The following ANKRD27 variants were observed in gnomAD, a reference collection of about 807,000 sequenced individuals.
ANKRD27 encodes the protein ankyrin repeat domain 27, also known as ankyrin repeat domain-containing protein 27.
In ANKRD27, 112 loss-of-function variants were observed where a neutral mutation model predicts 129.7. That is an observed-to-expected ratio of 0.86 (90% CI 0.74 to 1.01). The LOEUF is 1.01. Among genes scored for constraint, ANKRD27 ranks in the 50% least tolerant of loss-of-function variants. ANKRD27 has a pLI of 0.00. For synonymous variants in ANKRD27, 516 were observed against 511.2 expected, an observed-to-expected ratio of 1.01 and a Z score of -0.13; for missense variants, 1,258 against 1,300.5, an observed-to-expected ratio of 0.97 and a Z score of 0.50.
chr19:32,604,461 C>A, intron 24 of ANKRD27, 37 bp from the exon 25 acceptor site: 1 of 1,557,958 alleles, frequency 6.4e-7, no homozygotes, highest in Non-Finnish European at 8.8e-7. Flanking sequence ...AGGAACGCTA[C>A]GAAACGTCAG....
At chr19:32,633,522 C>A (rs1967037588) in intron 12 of ANKRD27, among the ~76,000 whole-genome samples, 1 of 151,348 alleles carries the variant, frequency 6.6e-6, no homozygotes, top group Non-Finnish European at 1.5e-5. Flanking sequence ...GGCGGTCTCG[C>A]TACATTGCCC....
rs574923636 is a variant in ANKRD27 at position 32,604,077 on chromosome 19, C to T, written c.2655+186G>A. On this transcript the variant is annotated intron_variant, in intron 25 of 28. Transcript: ENST00000306065. ...ATGATTCCTGGTTCCCAGAGCACCACCTCTGACCAGGAGACTGAGGACCAG... is the reference window on the plus strand; with the variant it reads ...ATGATTCCTGGTTCCCAGAGCACCATCTCTGACCAGGAGACTGAGGACCAG... Among the ~76,000 whole-genome samples the T allele has an allele frequency of 1.4e-4, 22 of 152,338 alleles. No individual in the cohort carries two copies. In the South Asian group the frequency reaches 4.6e-3, roughly 32 times the overall value.
intron 28 of ANKRD27, 27 bp from the exon 29 acceptor site, chr19:32,598,405 T>C (rs776473820): frequency 9.3e-6 from 15 of 1,609,340 alleles, no homozygotes; most frequent in African/African-American, 6.7e-5. Flanking sequence ...TTTTTAACCG[T>C]TGACGTCCTC....
intron 25 of ANKRD27, among the ~76,000 whole-genome samples, chr19:32,602,937 A>G (rs921281403): frequency 4.6e-5 from 7 of 152,150 alleles, no homozygotes; most frequent in Admixed American, 4.6e-4. Context: ...ACCAAAAAAA[A>G]TTCAACATAA....
chr19:32,657,240 G>A (rs1484236393), intron 2 of ANKRD27, among the ~76,000 whole-genome samples: 2 of 151,794 alleles, frequency 1.3e-5, no homozygotes, highest in African/African-American at 4.8e-5. Flanking sequence ...GAGGCGGGTG[G>A]ATCACGAGGT....
chr19:32,623,800 C>T (rs1176569522), intron 17 of ANKRD27, among the ~76,000 whole-genome samples: 1 of 152,004 alleles, frequency 6.6e-6, no homozygotes, highest in Non-Finnish European at 1.5e-5. Context: ...ATTTGCCGGC[C>T]TTGGTCTCCC....
rs149806237 is a variant in ANKRD27, at chr19:32,628,082, C to T, written c.1420+1G>A. The stretch of plus-strand genomic sequence containing the variant: ...CTAGGGGCCAGCCCAGGACCACATA[C>T]CACAGACAGCAGCCACATGGAGAGG... On this transcript the variant is annotated splice_donor_variant, in intron 15 of 28. Transcript: ENST00000306065. LOFTEE classifies it high-confidence loss of function. 6.1e-5 allele frequency: 99 copies of T among 1,613,948 alleles called. No individual in the cohort carries two copies. Among genetic ancestry groups the T allele is most frequent in the Non-Finnish European group, 8.0e-5 (94 of 1,179,932 alleles).
In ANKRD27 at chr19:32,604,374, G is replaced by A. The variant is rs774299203; in HGVS notation, c.2544C>T (p.His848=). The change falls in exon 25 of 29, where the codon CAC becomes CAT. Residue 848 remains histidine (H), a synonymous_variant. Transcript: ENST00000306065. ...ASNNKGNTAL[H]EAVIEKHVFV... ...AGACGTGCTTTTCAATCACAGCCTC[G>A]TGCAGCGCTGTGTTGCCCTTATTGT... 19 of 1,613,772 alleles carry A rather than the reference G, an allele frequency of 1.2e-5. No homozygotes were observed. The South Asian group carries it at 1.4e-4, about 12-fold the overall frequency.
chr19:32,662,474 C>A (rs1599775004), intron 1 of ANKRD27, among the ~76,000 whole-genome samples: 1 of 152,230 alleles, frequency 6.6e-6, no homozygotes, highest in African/African-American at 2.4e-5. Flanking sequence ...CAATGGCTCA[C>A]TCCTGTAATC....
At position 32,642,070 on chromosome 19, in the gene ANKRD27, G is replaced by C; in HGVS notation, c.858C>G (p.Cys286Trp). The change falls in exon 10 of 29, where the codon TGC (cysteine) becomes TGG (tryptophan). Residue 286 changes from cysteine (C) to tryptophan (W), a missense_variant. Cys to Trp is a radical substitution (Grantham distance 215). Coordinates refer to ENST00000306065, the MANE Select transcript of ANKRD27 (RefSeq NM_032139.3). The stretch of plus-strand genomic sequence containing the variant: ...TAATGAGCTGCACCACTTTTCGCAA[G>C]CAGACAAGCTTCTGCTGTGGGGAGG... ...KCTSPQQKLV[C>W]LRKVVQLITQ... 1 of 1,610,972 alleles carries C rather than the reference G, an allele frequency of 6.2e-7. No homozygotes were observed. Among genetic ancestry groups the C allele is most frequent in the Non-Finnish European group, 8.5e-7 (1 of 1,177,804 alleles).
At chr19:32,633,130 C>G (rs1412929706) in intron 12 of ANKRD27, among the ~76,000 whole-genome samples, 1 of 152,116 alleles carries the variant, frequency 6.6e-6, no homozygotes, top group East Asian at 1.9e-4. Flanking sequence ...ACGATTTAGA[C>G]AGCAGTGATG....
At chr19:32,611,928 A>G (rs913550191) in intron 22 of ANKRD27, among the ~76,000 whole-genome samples, 1 of 152,062 alleles carries the variant, frequency 6.6e-6, no homozygotes, top group Non-Finnish European at 1.5e-5. Flanking sequence ...TCTTAGAGAC[A>G]GGGTCTTACT....
chr19:32,628,708 C>T lies in ANKRD27; in HGVS notation c.1337+14G>A, dbSNP rs1966935464. On this transcript the variant is annotated intron_variant, in intron 14 of 28. Coordinates refer to ENST00000306065, the MANE Select transcript of ANKRD27 (RefSeq NM_032139.3). ...GCTTCCTGGCACTCTGAGCCTCCAC[C>T]AGCACCCTCTTACCCAGAGACGAGT... 1 of 1,613,556 alleles carries T rather than the reference C, an allele frequency of 6.2e-7. No homozygotes were observed. The highest frequency in any genetic ancestry group is 1.7e-5 in the Admixed American group (1 of 60,008).
intron 9 of ANKRD27, 26 bp downstream of exon 9, chr19:32,643,097 C>G: frequency 6.2e-7 from 1 of 1,612,324 alleles, no homozygotes; most frequent in African/African-American, 1.3e-5. Context: ...CTGAGGACAC[C>G]AAGCCGCTGT....
rs762117215 is a variant in ANKRD27 at position 32,605,879 on chromosome 19, C to T, written c.2449G>A (p.Ala817Thr). Reference protein sequence around the residue: ...DLSGNTPLIYACSGGHHELVA... With the variant: ...DLSGNTPLIYTCSGGHHELVA... ...AGCTCGTGATGGCCACCGGAGCAGG[C>T]GTAAATGAGGGGCGTGTTTCCACTG... The change falls in exon 24 of 29, where the codon GCC (alanine) becomes ACC (threonine). Residue 817 changes from alanine to threonine, a missense_variant. Transcript: ENST00000306065. 22 of 1,613,914 alleles carry T rather than the reference C, an allele frequency of 1.4e-5. No individual in the cohort carries two copies. Among genetic ancestry groups the T allele is most frequent in the South Asian group, 5.5e-5 (5 of 91,074 alleles).
chr19:32,636,223 T>C lies in ANKRD27; in HGVS notation c.1116+3133A>G, dbSNP rs118057780. 3.4e-3 allele frequency: 555 copies of C among 164,442 alleles called. 17 individuals are homozygous for C. In the East Asian group the frequency reaches 0.072, roughly 21 times the overall value. 10.2% of individuals were successfully genotyped at this position (164,442 alleles called of 1,614,324 possible). A position where few individuals can be genotyped will look rare whatever the true frequency, so the allele number is the denominator to read the frequency against. ...GCCTCAGACGACTGCTGAGCCCATCTTGGTGTGCCTGCATCCAACTGTGAT... is the reference window on the plus strand; with the variant it reads ...GCCTCAGACGACTGCTGAGCCCATCCTGGTGTGCCTGCATCCAACTGTGAT... On this transcript the variant is annotated intron_variant, in intron 12 of 28. Coordinates refer to ENST00000306065, the MANE Select transcript of ANKRD27 (RefSeq NM_032139.3).
intron 1 of ANKRD27, among the ~76,000 whole-genome samples, chr19:32,667,692 C>T (rs927812614): frequency 6.6e-6 from 1 of 151,998 alleles, no homozygotes; most frequent in Admixed American, 6.6e-5. Flanking sequence ...ATTAGCCGGG[C>T]GTGGTGGCAC....
intron 2 of ANKRD27, among the ~76,000 whole-genome samples, chr19:32,651,983 C>A (rs1967425590): frequency 6.6e-6 from 1 of 152,204 alleles, no homozygotes; most frequent in South Asian, 2.1e-4. Context: ...TTCATAGCAA[C>A]CAGAAGCCAA....
intron 22 of ANKRD27, 76 bp from the exon 23 acceptor site, chr19:32,607,908 G>A: frequency 1.4e-6 from 2 of 1,399,700 alleles, no homozygotes; most frequent in Non-Finnish European, 2.0e-6. Flanking sequence ...GGCACCATGT[G>A]CCCCCCACAG....
Sources: gnomAD v4.1 joint callset for allele counts (sites outside exome capture counted in the v4.1 genomes callset) on GRCh38, gnomAD v4.1.1 for gene constraint, MANE v1.5 for transcripts, NCBI Gene and HGNC (gene_info 2026-07-23, HGNC 2026-07-21) for gene names.